SMAD3: variants seen among roughly 807,000 people sequenced by gnomAD.
SMAD3 encodes MAD homolog 3.
In SMAD3, 12 loss-of-function variants were observed where a neutral mutation model predicts 51.8. The observed-to-expected ratio is 0.23, with a 90% CI of 0.15 to 0.38. The LOEUF (loss-of-function observed/expected upper bound fraction) is 0.38. Among genes scored for constraint, SMAD3 ranks in the 10% least tolerant of loss-of-function variants. The pLI is 1.00. For synonymous variants in SMAD3, 238 were observed against 227.7 expected, an observed-to-expected ratio of 1.05 and a Z score of -0.41; for missense variants, 294 against 565.6, an observed-to-expected ratio of 0.52 and a Z score of 4.87.
At position 67,084,070 on chromosome 15, in the gene SMAD3, CTTTTTTTTTTTT is replaced by C. The variant is rs56675753; in HGVS notation, c.206+17722_206+17733del. On this transcript the variant is annotated intron_variant, in intron 1 of 8. Transcript: ENST00000327367. ...CCGTTCTCAGATTTTCTTTTTTTTT[CTTTTTTTTTTTT>C]TTTTTTTTTTTGAGATGGAGTCTCG... Among the ~76,000 whole-genome samples the C allele has an allele frequency of 2.6e-4, 22 of 85,064 alleles. No homozygotes were observed. In the South Asian group the frequency reaches 3.5e-3, roughly 14 times the overall value. 55.8% of individuals were successfully genotyped at this position (85,064 alleles called of 152,430 possible).
chr15:67,073,736 G>A (rs1960107391), intron 1 of SMAD3, among the ~76,000 whole-genome samples: 1 of 152,210 alleles, frequency 6.6e-6, no homozygotes, highest in Non-Finnish European at 1.5e-5. Context: ...GTGCAATGGC[G>A]CGGTCTTGCC....
At chr15:67,077,100 G>A (rs1392191002) in intron 1 of SMAD3, among the ~76,000 whole-genome samples, 1 of 152,158 alleles carries the variant, frequency 6.6e-6, no homozygotes, top group Admixed American at 6.5e-5. Context: ...TTAAAGTATT[G>A]GTCAAGGCAG....
At chr15:67,080,561 G>C (rs1214489558) in intron 1 of SMAD3, among the ~76,000 whole-genome samples, 1 of 152,202 alleles carries the variant, frequency 6.6e-6, no homozygotes, top group Non-Finnish European at 1.5e-5. Flanking sequence ...AGAGACTTCT[G>C]GGACCTGACT....
chr15:67,144,393 A>G (rs1961919569), intron 1 of SMAD3, among the ~76,000 whole-genome samples: 1 of 152,160 alleles, frequency 6.6e-6, no homozygotes, highest in African/African-American at 2.4e-5. Context: ...GTTGATCTTC[A>G]GGGATTATTT....
rs1022016113 is a variant in SMAD3, at chr15:67,175,170, G to A, written c.658+4566G>A. On this transcript the variant is annotated intron_variant, in intron 5 of 8. Coordinates refer to ENST00000327367, the MANE Select transcript of SMAD3 (RefSeq NM_005902.4). ...AAAGGTAGTGAGCTGGCTTCTGCCTGGTGAGTAAGTTGTTCCCTGCTTTAA... is the reference window on the plus strand; with the variant it reads ...AAAGGTAGTGAGCTGGCTTCTGCCTAGTGAGTAAGTTGTTCCCTGCTTTAA... 3.3e-5 allele frequency among the ~76,000 whole-genome samples: 5 copies of A among 152,206 alleles called. No individual in the cohort carries two copies. The East Asian group carries it at 7.7e-4, about 23-fold the overall frequency.
chr15:67,085,704 C>T (rs1960373021), intron 1 of SMAD3, among the ~76,000 whole-genome samples: 2 of 152,182 alleles, frequency 1.3e-5, no homozygotes, highest in South Asian at 4.1e-4. Flanking sequence ...CAAATTTCTA[C>T]AGGCCGGCCT....
intron 8 of SMAD3, among the ~76,000 whole-genome samples, chr15:67,188,272 G>A (rs1217961952): frequency 6.6e-6 from 1 of 151,454 alleles, no homozygotes; most frequent in African/African-American, 2.4e-5. Flanking sequence ...CAAGTAGCTG[G>A]GACTACAGGT....
intron 1 of SMAD3, among the ~76,000 whole-genome samples, chr15:67,123,930 A>T (rs193142334): frequency 2.4e-4 from 37 of 152,318 alleles, no homozygotes; most frequent in Admixed American, 2.4e-3. Flanking sequence ...ATAGACTGAA[A>T]CAAATCACTG....
At position 67,065,675 on chromosome 15, in the gene SMAD3, G is replaced by A. The variant is rs1396529964; in HGVS notation, c.-480G>A. Reference sequence around the variant, plus strand: ...GGGCCGGCCCAGCCAGCGAGCGAGCGAGCGGCGAGCCGGGAGGAGGAGGGT... The same window carrying A: ...GGGCCGGCCCAGCCAGCGAGCGAGCAAGCGGCGAGCCGGGAGGAGGAGGGT... On this transcript the variant is annotated 5_prime_UTR_variant, in exon 1 of 9. Transcript: ENST00000327367. Among the ~76,000 whole-genome samples the A allele has an allele frequency of 6.6e-6, 1 of 151,430 alleles. No homozygotes were observed. The highest frequency in any genetic ancestry group is 2.4e-5 in the African/African-American group (1 of 41,304).
rs368132899 is a variant in SMAD3, at chr15:67,066,334, C to G, written c.180C>G (p.Val60=). 6.2e-7 allele frequency: 1 copy of G among 1,613,336 alleles called. No individual in the cohort carries two copies. Among genetic ancestry groups the G allele is most frequent in the African/African-American group, 1.3e-5 (1 of 74,886 alleles). ...ELEKAITTQN[V]NTKCITIPRS... is the part of the protein sequence containing the mutation. ...AGAAGGCCATCACCACGCAGAACGTCAACACCAAGTGCATCACCATCCCCA... is the reference window on the plus strand; with the variant it reads ...AGAAGGCCATCACCACGCAGAACGTGAACACCAAGTGCATCACCATCCCCA... The change falls in exon 1 of 9, where the codon GTC becomes GTG. Residue 60 remains valine, a synonymous_variant. Coordinates refer to ENST00000327367, the MANE Select transcript of SMAD3 (RefSeq NM_005902.4).
rs959837459 is a variant in SMAD3 at position 67,194,360 on chromosome 15, T to C, written c.*3824T>C. 1 of 233,186 alleles carries C rather than the reference T, an allele frequency of 4.3e-6. No homozygotes were observed. Among genetic ancestry groups the C allele is most frequent in the Non-Finnish European group, 8.5e-6 (1 of 117,948 alleles). 14.4% of individuals were successfully genotyped at this position (233,186 alleles called of 1,614,324 possible). On this transcript the variant is annotated 3_prime_UTR_variant, in exon 9 of 9. Transcript: ENST00000327367. ...AGAGGACATGGATCCAAAATGATGA[T>C]GAAGCATCTCCCATGGGGAGGTGAT...
At chr15:67,149,165 C>T (rs540854786) in intron 1 of SMAD3, among the ~76,000 whole-genome samples, 3 of 152,234 alleles carry the variant, frequency 2.0e-5, no homozygotes, top group Admixed American at 6.5e-5. Flanking sequence ...GCTCTGTCCC[C>T]ACCTGCACCT....
intron 1 of SMAD3, among the ~76,000 whole-genome samples, chr15:67,158,372 C>T (rs1340151178): frequency 1.3e-5 from 2 of 152,210 alleles, no homozygotes; most frequent in Non-Finnish European, 2.9e-5. Context: ...AGACTCCGAA[C>T]CAAGAGGTGT....
At chr15:67,081,989 A>G (rs1452741227) in intron 1 of SMAD3, among the ~76,000 whole-genome samples, 1 of 151,816 alleles carries the variant, frequency 6.6e-6, no homozygotes, top group Non-Finnish European at 1.5e-5. Context: ...AAAAACTGCC[A>G]TTACTTAGGC....
chr15:67,102,708 A>G (rs750458858), intron 1 of SMAD3, among the ~76,000 whole-genome samples: 1 of 152,042 alleles, frequency 6.6e-6, no homozygotes, highest in Non-Finnish European at 1.5e-5. Flanking sequence ...GCAGGGAGTG[A>G]CGTTGAATGG....
rs141797295 is a variant in SMAD3 at position 67,186,160 on chromosome 15, G to C, written c.1010-1205G>C. Among the ~76,000 whole-genome samples, 582 of 152,366 alleles carry C rather than the reference G, an allele frequency of 3.8e-3. 6 individuals carry two copies. The highest frequency in any genetic ancestry group is 0.013 in the African/African-American group (557 of 41,588). ...CCACCTGCCCAAGCGCACACAGCTA[G>C]TAAGTGGCCAAGCCGGGATGGGGCC... is the stretch of plus-strand genomic sequence containing the variant. On this transcript the variant is annotated intron_variant, in intron 7 of 8. Transcript: ENST00000327367.
chr15:67,138,303 T>TGG (rs1961721510), intron 1 of SMAD3: 2 of 509,500 alleles, frequency 3.9e-6, no homozygotes. Flanking sequence ...CAGGGCCCTC[T>TGG]GCCTGGTTCT....
chr15:67,169,256 G>A (rs1566993645), intron 4 of SMAD3, among the ~76,000 whole-genome samples: 2 of 152,068 alleles, frequency 1.3e-5, no homozygotes, highest in Admixed American at 6.5e-5. Context: ...TAGTTCTCTC[G>A]GTGAATATTC....
At position 67,181,471 on chromosome 15, in the gene SMAD3, T is replaced by TGCCCCCCCCCCCCCCCCCCCCC; in HGVS notation, c.871+18_871+19insGCCCCCCCCCCCCCCCCCCCCC. ...ACACATCGGTATGGGGTGGCTCCATTCCCCGCCCCCCCACCCTGCCCCTGC... is the reference window on the plus strand; with the variant it reads ...ACACATCGGTATGGGGTGGCTCCATTGCCCCCCCCCCCCCCCCCCCCCCCCCGCCCCCCCACCCTGCCCCTGC... On this transcript the variant is annotated intron_variant, in intron 6 of 8. Coordinates refer to ENST00000327367, the MANE Select transcript of SMAD3 (RefSeq NM_005902.4). 6.6e-7 allele frequency: 1 copy of TGCCCCCCCCCCCCCCCCCCCCC among 1,521,126 alleles called. No homozygotes were observed. Among genetic ancestry groups the TGCCCCCCCCCCCCCCCCCCCCC allele is most frequent in the Non-Finnish European group, 8.8e-7 (1 of 1,132,028 alleles). The allele number at this position is 1,521,126 out of a possible 1,614,324, so 94.2% of individuals were successfully genotyped here.
Sources: allele counts gnomAD v4.1 joint callset (sites outside exome capture counted in the v4.1 genomes callset), GRCh38; gene constraint gnomAD v4.1.1; transcripts MANE v1.5; gene names NCBI Gene and HGNC (gene_info 2026-07-23, HGNC 2026-07-21).